TAF4: variants seen among roughly 807,000 people sequenced by gnomAD.
The protein encoded by TAF4 is transcription initiation factor TFIID subunit 4.
A neutral mutation model predicts 90.3 loss-of-function variants in TAF4; 9 were observed. The ratio of observed to expected loss-of-function variants is 0.10; its 90% CI spans 0.06 to 0.17. The LOEUF (loss-of-function observed/expected upper bound fraction) is 0.17. Ranked by LOEUF, TAF4 falls within the 10% of genes least tolerant of loss-of-function variation. TAF4 has a pLI of 1.00. For synonymous variants in TAF4, 818 were observed against 638.9 expected (o/e 1.28, Z -4.23); for missense variants, 1,351 against 1,370.7 (o/e 0.99, Z 0.23).
chr20:62,028,731 GCATC>G (rs2145491116), intron 1 of TAF4, among the ~76,000 whole-genome samples: 1 of 152,248 alleles, frequency 6.6e-6, no homozygotes, highest in African/African-American at 2.4e-5. Flanking sequence ...AGTGAGGCTG[GCATC>G]CACCTGACCT....
At chr20:62,024,572 T>G (rs572061972) in intron 1 of TAF4, among the ~76,000 whole-genome samples, 71 of 152,154 alleles carry the variant, frequency 4.7e-4, no homozygotes, top group African/African-American at 1.7e-3. Context: ...CAAAACTCAG[T>G]AAGAAAATAA....
At chr20:62,048,693 C>G (rs1477302002) in intron 1 of TAF4, among the ~76,000 whole-genome samples, 2 of 151,208 alleles carry the variant, frequency 1.3e-5, no homozygotes, top group African/African-American at 4.9e-5. Flanking sequence ...TCCTGGCGTG[C>G]CCACCTCGGT....
At position 62,013,906 on chromosome 20, in the gene TAF4, G is replaced by GT. The variant is rs2055794463; in HGVS notation, c.1521+640_1521+641insA. On this transcript the variant is annotated intron_variant, in intron 2 of 14. Transcript: ENST00000252996. ...AGCTTCGGCCCTGAAGGCTGACGCG[G>GT]GTGTGTGTGTGTGTGTGTGTGTGTG... 5.0e-3 allele frequency among the ~76,000 whole-genome samples: 537 copies of GT among 107,406 alleles called. 1 individual carries two copies. The highest frequency in any genetic ancestry group is 0.017 in the African/African-American group (470 of 27,214). The allele number at this position is 107,406 out of a possible 152,430, so 70.5% of individuals were successfully genotyped here. A position where few individuals can be genotyped will look rare whatever the true frequency, so the allele number is the denominator to read the frequency against.
At position 61,976,271 on chromosome 20, in the gene TAF4, C is replaced by T; in HGVS notation, c.3155G>A (p.Arg1052Gln). The T allele has an allele frequency of 6.2e-7, 1 of 1,613,986 alleles. No homozygotes were observed. Among genetic ancestry groups the T allele is most frequent in the Non-Finnish European group, 8.5e-7 (1 of 1,180,040 alleles). ...SGVGTPRQFT[R>Q]QRITRVNLRD... ...GAGGTTGACCCGCGTGATTCTTTGT[C>T]GCGTGAACTGTCTGGGGGTTCCGAC... is the stretch of plus-strand genomic sequence containing the variant. Residue 1052 changes from arginine (R) to glutamine (Q), a missense_variant, in exon 15 of 15, where the codon CGA becomes CAA. Around this residue, in one of 9 missense-constraint regions of TAF4, gnomAD observed 48 missense variants for 50.6 expected, o/e 0.95. Transcript: ENST00000252996.
At chr20:61,983,006 C>CG (rs2055560179) in intron 14 of TAF4, among the ~76,000 whole-genome samples, 1 of 152,138 alleles carries the variant, frequency 6.6e-6, no homozygotes, top group East Asian at 1.9e-4. Flanking sequence ...CTCTATTGGG[C>CG]GGGAAACTGC....
chr20:62,034,157 A>G (rs1367024504), intron 1 of TAF4, among the ~76,000 whole-genome samples: 1 of 152,196 alleles, frequency 6.6e-6, no homozygotes, highest in Non-Finnish European at 1.5e-5. Flanking sequence ...GAAGCACAGG[A>G]CGTCAGTGAA....
chr20:62,028,949 C>G (rs549764380), intron 1 of TAF4, among the ~76,000 whole-genome samples: 1 of 152,320 alleles, frequency 6.6e-6, no homozygotes, highest in East Asian at 1.9e-4. Flanking sequence ...GTAATCCCAG[C>G]ACTTTGGGAG....
rs2123084170 is a variant in TAF4 at position 61,977,069 on chromosome 20, GCA to G, written c.3091-736_3091-735del. Among the ~76,000 whole-genome samples the G allele has an allele frequency of 3.1e-5, 4 of 130,994 alleles. 1 individual carries two copies. The East Asian group carries it at 1.3e-3, about 43-fold the overall frequency. The allele number at this position is 130,994 out of a possible 152,430, so 85.9% of individuals were successfully genotyped here. A position where few individuals can be genotyped will look rare whatever the true frequency, so the allele number is the denominator to read the frequency against. On this transcript the variant is annotated intron_variant, in intron 14 of 14. Transcript: ENST00000252996. ...CACACACACGACACCGCCCAGCGGG[GCA>G]CACGCCACACACACGACACCGCCCA...
At chr20:62,000,493 TCCCATGCCCCAGCAGCG>T (rs1423578307) in intron 10 of TAF4, 42 bp downstream of exon 10, 1 of 1,564,210 alleles carries the variant, frequency 6.4e-7, no homozygotes, top group East Asian at 2.3e-5. Flanking sequence ...CACCTGAAGC[TCCCATGCCCCAGCAGCG>T]CAGCTGTTTA....
At chr20:61,987,435 C>T (rs1038896969) in intron 14 of TAF4, among the ~76,000 whole-genome samples, 3 of 152,164 alleles carry the variant, frequency 2.0e-5, no homozygotes, top group African/African-American at 4.8e-5. Flanking sequence ...GACTATTATC[C>T]AAAATATACC....
At chr20:62,050,433 T>C (rs2056020028) in intron 1 of TAF4, among the ~76,000 whole-genome samples, 1 of 152,116 alleles carries the variant, frequency 6.6e-6, no homozygotes, top group Admixed American at 6.5e-5. Context: ...AACGCCACAA[T>C]GCCTGCTTGT....
At chr20:62,054,904 AC>A (rs2056051849) in intron 1 of TAF4, among the ~76,000 whole-genome samples, 2 of 149,458 alleles carry the variant, frequency 1.3e-5, no homozygotes, top group Non-Finnish European at 3.0e-5. Context: ...ATTCCCTCTC[AC>A]CCCGCCTGCC....
At chr20:62,009,980 C>T (rs138340472) in intron 4 of TAF4, 66 bp downstream of exon 4, 4 of 1,602,044 alleles carry the variant, frequency 2.5e-6, no homozygotes, top group Non-Finnish European at 3.4e-6. Flanking sequence ...GGTCTCAAGG[C>T]TGCATTTTCT....
At chr20:62,041,259 A>G (rs1050377722) in intron 1 of TAF4, among the ~76,000 whole-genome samples, 9 of 152,206 alleles carry the variant, frequency 5.9e-5, no homozygotes, top group Non-Finnish European at 8.8e-5. Context: ...TACAAGGGGG[A>G]CATTTTATTG....
Position 62,064,512 on chromosome 20 carries a change from G to A in TAF4, c.1299C>T (p.Ala433=), listed in dbSNP as rs776134436. The change falls in exon 1 of 15, where the codon GCC becomes GCT. Residue 433 remains alanine (A), a synonymous_variant. Transcript: ENST00000252996. ...IRATLTPTVL[A]PRLPQPPQNP... is the part of the protein sequence containing the mutation. ...TCTGAGGCGGCTGCGGCAAGCGGGG[G>A]GCCAGCACGGTGGGCGTCAGGGTGG... 16 of 1,529,276 alleles carry A rather than the reference G, an allele frequency of 1.0e-5. No individual in the cohort carries two copies. The highest frequency in any genetic ancestry group is 1.3e-5 in the Non-Finnish European group (15 of 1,140,672). 94.7% of individuals were successfully genotyped at this position (1,529,276 alleles called of 1,614,324 possible). A position where few individuals can be genotyped will look rare whatever the true frequency, so the allele number is the denominator to read the frequency against.
chr20:61,997,971 G>A (rs1038100081), intron 13 of TAF4, among the ~76,000 whole-genome samples, 165 bp downstream of exon 13: 6 of 152,214 alleles, frequency 3.9e-5, no homozygotes, highest in Non-Finnish European at 7.3e-5. Context: ...TGTTTGCACA[G>A]GAAAATACCT....
chr20:62,048,042 C>CCA (rs2056003595), intron 1 of TAF4, among the ~76,000 whole-genome samples: 1 of 152,212 alleles, frequency 6.6e-6, no homozygotes, highest in South Asian at 2.1e-4. Flanking sequence ...GCCTGGTCCC[C>CCA]CACCCAGAGT....
At chr20:62,043,896 C>T (rs1297054132) in intron 1 of TAF4, among the ~76,000 whole-genome samples, 1 of 152,200 alleles carries the variant, frequency 6.6e-6, no homozygotes, top group Non-Finnish European at 1.5e-5. Context: ...CTGGTTTACA[C>T]ATAATTCCAG....
intron 14 of TAF4, among the ~76,000 whole-genome samples, chr20:61,983,760 C>T (rs914272194): frequency 6.6e-6 from 1 of 152,086 alleles, no homozygotes; most frequent in Non-Finnish European, 1.5e-5. Flanking sequence ...GCTTAACTCA[C>T]CTATTAAAAG....
Sources: gnomAD v4.1 joint callset for allele counts (sites outside exome capture counted in the v4.1 genomes callset) on GRCh38, gnomAD v4.1.1 for gene constraint, gnomAD v4.1.1 regional missense constraint, MANE v1.5 for transcripts, NCBI Gene and HGNC (gene_info 2026-07-23, HGNC 2026-07-21) for gene names.